Variants in BRK1 observed in about 807,000 individuals in gnomAD.
The protein encoded by BRK1 is BRICK1 subunit of SCAR/WAVE actin nucleating complex, also known as protein BRICK1.
In BRK1, 6 loss-of-function variants were observed where a neutral mutation model predicts 9.9. That is an observed-to-expected ratio of 0.60 (90% CI 0.33 to 1.19). The LOEUF (loss-of-function observed/expected upper bound fraction) is 1.19, where lower values mean the gene tolerates loss of function less well. BRK1 is among the 50% of genes most tolerant of loss of function. The pLI is 0.04. For missense variants in BRK1, 62 were observed against 97.5 expected (o/e 0.64, Z 1.53); for synonymous variants, 44 against 31.9 (o/e 1.38, Z -1.28).
In BRK1 at chr3:10,123,575, C is replaced by T. The variant is rs531801732; in HGVS notation, c.119-2051C>T. 1.3e-4 allele frequency among the ~76,000 whole-genome samples: 19 copies of T among 141,060 alleles called. No homozygotes were observed. In the South Asian group the frequency reaches 4.5e-3, roughly 33 times the overall value. 92.5% of individuals were successfully genotyped at this position (141,060 alleles called of 152,430 possible). A position where few individuals can be genotyped will look rare whatever the true frequency, so the allele number is the denominator to read the frequency against. On this transcript the variant is annotated intron_variant, in intron 1 of 2. Transcript: ENST00000530758. ...TCAGCCTCCCGAATAGCTGGAATTA[C>T]AGGCGCCCGCCACCACACCCGGCTA...
In BRK1 at chr3:10,116,855, A is replaced by G. The variant is rs536167319; in HGVS notation, c.118+1036A>G. On this transcript the variant is annotated intron_variant, in intron 1 of 2. Coordinates refer to ENST00000530758, the MANE Select transcript of BRK1 (RefSeq NM_018462.5). ...GAATAAGAACCACTTCCTACATTCAAAGAAGTTCTAATCTTGAAGATGAAA... is the reference window on the plus strand; with the variant it reads ...GAATAAGAACCACTTCCTACATTCAGAGAAGTTCTAATCTTGAAGATGAAA... Among the ~76,000 whole-genome samples the G allele has an allele frequency of 4.6e-5, 7 of 152,342 alleles. 2 individuals carry two copies. In the East Asian group the frequency reaches 1.3e-3, roughly 29 times the overall value.
chr3:10,120,778 G>A (rs1341446239), intron 1 of BRK1, among the ~76,000 whole-genome samples: 3 of 152,174 alleles, frequency 2.0e-5, no homozygotes, highest in African/African-American at 7.2e-5. Context: ...ATGTAGGCCA[G>A]GAGCATAGTA....
At chr3:10,117,604 C>A (rs1695701519) in intron 1 of BRK1, among the ~76,000 whole-genome samples, 1 of 151,764 alleles carries the variant, frequency 6.6e-6, no homozygotes, top group South Asian at 2.1e-4. Context: ...GCCATCTTGC[C>A]CAGGCTGGTC....
At chr3:10,121,970 A>G (rs1575906871) in intron 1 of BRK1, among the ~76,000 whole-genome samples, 3 of 147,838 alleles carry the variant, frequency 2.0e-5, no homozygotes, top group East Asian at 4.0e-4. Flanking sequence ...ACTCTCTGCA[A>G]CCTCCGCCTC....
intron 1 of BRK1, among the ~76,000 whole-genome samples, chr3:10,117,938 A>G (rs1025179905): frequency 6.6e-6 from 1 of 152,152 alleles, no homozygotes; most frequent in African/African-American, 2.4e-5. Context: ...AAGGAATTTG[A>G]CTTAGCAGTT....
rs942616564 is a variant in BRK1, at chr3:10,126,421, T to C, written c.*126T>C. On this transcript the variant is annotated 3_prime_UTR_variant, in exon 3 of 3. Transcript: ENST00000530758. ...ACAGGGCTTATTCTTGTTTTTCTTT[T>C]TTCAAAAGTGTGGCCTTTGGGCTCT... The C allele has an allele frequency of 3.3e-6, 3 of 916,974 alleles. No homozygotes were observed. Among genetic ancestry groups the C allele is most frequent in the African/African-American group, 1.7e-5 (1 of 59,290 alleles). 56.8% of individuals were successfully genotyped at this position (916,974 alleles called of 1,614,324 possible). A position where few individuals can be genotyped will look rare whatever the true frequency, so the allele number is the denominator to read the frequency against.
intron 2 of BRK1, among the ~76,000 whole-genome samples, 199 bp downstream of exon 2, chr3:10,125,907 A>G (rs534956106): frequency 2.0e-5 from 3 of 152,054 alleles, no homozygotes; most frequent in East Asian, 1.9e-4. Context: ...CCTGGCCAAC[A>G]TGGTGAAACC....
intron 1 of BRK1, among the ~76,000 whole-genome samples, chr3:10,116,701 A>G (rs550158387): frequency 6.6e-6 from 1 of 152,290 alleles, no homozygotes. Context: ...TAAATGAATG[A>G]TTCTCTAACT....
intron 1 of BRK1, among the ~76,000 whole-genome samples, chr3:10,116,170 C>G (rs1317263288): frequency 1.3e-5 from 2 of 152,232 alleles, no homozygotes. Context: ...CCGGTCCCCA[C>G]TTTGCACTCA....
At chr3:10,115,853 G>A (rs749434405) in intron 1 of BRK1, 34 bp downstream of exon 1, 1 of 1,564,258 alleles carries the variant, frequency 6.4e-7, no homozygotes, top group South Asian at 1.1e-5. Context: ...CGGGGAGGAG[G>A]GAGGCCGCTG....
chr3:10,122,517 G>T (rs553845891), intron 1 of BRK1, among the ~76,000 whole-genome samples: 5 of 151,616 alleles, frequency 3.3e-5, no homozygotes, highest in African/African-American at 1.2e-4. Flanking sequence ...ATCAGCCTGG[G>T]CAACAAAGTG....
At chr3:10,120,125 G>T (rs1695737556) in intron 1 of BRK1, among the ~76,000 whole-genome samples, 1 of 152,040 alleles carries the variant, frequency 6.6e-6, no homozygotes, top group African/African-American at 2.4e-5. Flanking sequence ...CGCCTCCCGG[G>T]TTCAAGCGAT....
At chr3:10,120,199 C>A (rs1271203545) in intron 1 of BRK1, among the ~76,000 whole-genome samples, 2 of 143,712 alleles carry the variant, frequency 1.4e-5, no homozygotes, top group East Asian at 2.0e-4. Flanking sequence ...CTGGCTAATT[C>A]TTTTTTTTTT....
At chr3:10,118,299 A>G (rs1481794168) in intron 1 of BRK1, among the ~76,000 whole-genome samples, 1 of 151,658 alleles carries the variant, frequency 6.6e-6, no homozygotes, top group Non-Finnish European at 1.5e-5. Context: ...GCAAGAGTTT[A>G]GAAAAAGACC....
chr3:10,123,740 T>TTTC, intron 1 of BRK1, among the ~76,000 whole-genome samples: 1 of 119,744 alleles, frequency 8.4e-6, no homozygotes, highest in Non-Finnish European at 1.7e-5. Flanking sequence ...GCCTTTTTTT[T>TTTC]TTTTTTTTTT....
At chr3:10,126,175 C>A in intron 2 of BRK1, 94 bp from the exon 3 acceptor site, 1 of 788,658 alleles carries the variant, frequency 1.3e-6, no homozygotes, top group Non-Finnish European at 1.9e-6. Flanking sequence ...TTCTTTTCTG[C>A]TATTTCTCAC....
chr3:10,122,077 C>T (rs911768861), intron 1 of BRK1, among the ~76,000 whole-genome samples: 8 of 144,666 alleles, frequency 5.5e-5, no homozygotes, highest in Admixed American at 6.8e-5. Context: ...TTAGTAGAGA[C>T]AGGATTTCTT....
At chr3:10,115,886 G>T in intron 1 of BRK1, 67 bp downstream of exon 1, 1 of 1,309,912 alleles carries the variant, frequency 7.6e-7, no homozygotes. Flanking sequence ...TGGGGCGCCG[G>T]GGAGATGCTT....
chr3:10,122,207 G>A (rs899327455), intron 1 of BRK1, among the ~76,000 whole-genome samples: 9 of 152,120 alleles, frequency 5.9e-5, no homozygotes, highest in Middle Eastern at 3.4e-3. Flanking sequence ...ACAGGCATGA[G>A]CCACCGCGCC....
Sources: allele counts gnomAD v4.1 joint callset (sites outside exome capture counted in the v4.1 genomes callset), GRCh38; gene constraint gnomAD v4.1.1; transcripts MANE v1.5; gene names NCBI Gene and HGNC (gene_info 2026-07-23, HGNC 2026-07-21).